The following DOCK6 variants were observed in gnomAD, a reference collection of about 807,000 sequenced individuals.
The protein encoded by DOCK6 is dedicator of cytokinesis protein 6.
Under a neutral mutation model 230.3 loss-of-function variants are expected in DOCK6, and 167 were observed. That is an observed-to-expected ratio of 0.73 (90% CI 0.64 to 0.82). The LOEUF (loss-of-function observed/expected upper bound fraction) is 0.82. Among genes scored for constraint, DOCK6 ranks in the 40% least tolerant of loss-of-function variants. The pLI is 0.00. For synonymous variants in DOCK6, 1,148 were observed against 1,185.0 expected, an observed-to-expected ratio of 0.97 and a Z score of 0.64; for missense variants, 2,598 against 2,825.8, an observed-to-expected ratio of 0.92 and a Z score of 1.83.
intron 14 of DOCK6, among the ~76,000 whole-genome samples, chr19:11,239,337 G>T (rs1304339283): frequency 6.6e-6 from 1 of 152,144 alleles, no homozygotes; most frequent in Non-Finnish European, 1.5e-5. Flanking sequence ...TCATCATTGC[G>T]ATGCCTATTC....
At chr19:11,209,135 G>A in intron 37 of DOCK6, 32 bp from the exon 38 acceptor site, 2 of 1,592,910 alleles carry the variant, frequency 1.3e-6, no homozygotes, top group Non-Finnish European at 8.5e-7. Flanking sequence ...ATGTGAGGAG[G>A]GGACTCACCT....
chr19:11,209,901 A>G (rs1232508641), intron 37 of DOCK6, among the ~76,000 whole-genome samples: 1 of 60,098 alleles, frequency 1.7e-5, no homozygotes, highest in Non-Finnish European at 3.1e-5. Context: ...TCACCTGTCC[A>G]CCCCCTCAAC....
intron 18 of DOCK6, chr19:11,237,100 G>A (rs1234816880): frequency 6.7e-6 from 4 of 596,790 alleles, no homozygotes; most frequent in Non-Finnish European, 1.2e-5. Flanking sequence ...GAGACACAGG[G>A]TGAATGAATA....
At position 11,242,226 on chromosome 19, in the gene DOCK6, G is replaced by GT; in HGVS notation, c.1481-20dup. The GT allele has an allele frequency of 6.9e-7, 1 of 1,439,538 alleles. No individual in the cohort carries two copies. 89.2% of individuals were successfully genotyped at this position (1,439,538 alleles called of 1,614,324 possible). On this transcript the variant is annotated intron_variant, in intron 13 of 47. Transcript: ENST00000294618. Reference sequence around the variant, plus strand: ...AGCTGGGCTGGGAAGGGAAGAACCGGTTTGCACCTGCCTGGGAGCCTCCTG... The same window carrying GT: ...AGCTGGGCTGGGAAGGGAAGAACCGGTTTTGCACCTGCCTGGGAGCCTCCTG...
chr19:11,218,166 G>A lies in DOCK6; in HGVS notation c.3551-775C>T, dbSNP rs534812679. Among the ~76,000 whole-genome samples the A allele has an allele frequency of 2.5e-4, 38 of 149,616 alleles. 1 individual carries two copies. The South Asian group carries it at 8.1e-3, about 32-fold the overall frequency. On this transcript the variant is annotated intron_variant, in intron 28 of 47. Transcript: ENST00000294618. Reference sequence around the variant, plus strand: ...CGCCTGGCCTATTTTATTTTTTTTTGGATACAGTCTTGCTTTGTCACATAA... The same window carrying A: ...CGCCTGGCCTATTTTATTTTTTTTTAGATACAGTCTTGCTTTGTCACATAA...
intron 7 of DOCK6, chr19:11,247,698 T>C: frequency 5.6e-6 from 1 of 178,376 alleles, no homozygotes; most frequent in South Asian, 1.2e-4. Context: ...AAACCCTGGA[T>C]CCCAGCAGCA....
chr19:11,236,067 A>T lies in DOCK6; in HGVS notation c.2392+279T>A. 2.0e-6 allele frequency: 1 copy of T among 502,304 alleles called. No homozygotes were observed. The highest frequency in any genetic ancestry group is 3.5e-6 in the Non-Finnish European group (1 of 286,792). 31.1% of individuals were successfully genotyped at this position (502,304 alleles called of 1,614,324 possible). A position where few individuals can be genotyped will look rare whatever the true frequency, so the allele number is the denominator to read the frequency against. ...AGCTAATTTTGTATTTTTAGTAGAG[A>T]AGGGGTTTCTCCATGTTGGTCAGGC... On this transcript the variant is annotated intron_variant, in intron 20 of 47. Transcript: ENST00000294618. This position sits in a 1 kb window ranked among gnomAD's most constrained non-coding sequence, Gnocchi z 5.2.
chr19:11,216,017 T>C, intron 30 of DOCK6, 90 bp from the exon 31 acceptor site: 2 of 1,534,882 alleles, frequency 1.3e-6, no homozygotes, highest in Non-Finnish European at 1.8e-6. Flanking sequence ...GTGCTCTTTC[T>C]CACCTCCGGG....
chr19:11,241,944 C>T lies in DOCK6; in HGVS notation c.1643+101G>A, dbSNP rs112103971. On this transcript the variant is annotated intron_variant, in intron 14 of 47. Transcript: ENST00000294618. ...ATTAAAGCAGAGTCGTGGCATCTCA[C>T]CCAGGGTGTCTGTGTGTGTCCTTGG... 1,544 of 1,434,076 alleles carry T rather than the reference C, an allele frequency of 1.1e-3. 18 individuals are homozygous for T. The African/African-American group carries it at 0.02, about 18-fold the overall frequency. 88.8% of individuals were successfully genotyped at this position (1,434,076 alleles called of 1,614,324 possible).
Position 11,233,315 on chromosome 19 carries a change from CGACCAGAGCCACG to C in DOCK6, c.2593_2605del (p.Arg865AlafsTer71), listed in dbSNP as rs1432905998. The C allele has an allele frequency of 1.9e-6, 3 of 1,613,658 alleles. No homozygotes were observed. In the African/African-American group the frequency reaches 4.0e-5, roughly 22 times the overall value. The stretch of plus-strand genomic sequence containing the variant: ...ACGCGCCAGGTAGAGGCTTGCGGGG[CGACCAGAGCCACG>C]GGCCAGTGTGGCAGCCTGCACTGTC... On this transcript the variant is annotated frameshift_variant, in exon 22 of 48. Transcript: ENST00000294618. LOFTEE classifies it high-confidence loss of function.
At chr19:11,253,948 G>T in intron 1 of DOCK6, 2 of 451,154 alleles carry the variant, frequency 4.4e-6, no homozygotes, top group Admixed American at 4.6e-5. Flanking sequence ...CACCAGTGGG[G>T]TCTGAAGCCA....
In DOCK6 at chr19:11,233,294, G is replaced by C. The variant is rs764914767; in HGVS notation, c.2627C>G (p.Ala876Gly). The change falls in exon 22 of 48, where the codon GCG becomes GGG. Residue 876 changes from alanine to glycine, a missense_variant. By Grantham distance (60) the Ala-to-Gly change is moderately conservative. Coordinates refer to ENST00000294618, the MANE Select transcript of DOCK6 (RefSeq NM_020812.4). ...GSGRPASLYL[A>G]RSKSISSSNP... is the part of the protein sequence containing the mutation. ...GCTGCTGCTGATGCTCTTGGAACGC[G>C]CCAGGTAGAGGCTTGCGGGGCGACC... 6.8e-6 allele frequency: 11 copies of C among 1,613,906 alleles called. No individual in the cohort carries two copies. Among genetic ancestry groups the C allele is most frequent in the Non-Finnish European group, 9.3e-6 (11 of 1,179,870 alleles).
At chr19:11,216,390 G>A (rs1327977167) in intron 30 of DOCK6, among the ~76,000 whole-genome samples, 1 of 149,236 alleles carries the variant, frequency 6.7e-6, no homozygotes, top group African/African-American at 2.5e-5. Flanking sequence ...ACCAGGCCCT[G>A]TTTTAAAAAA....
chr19:11,211,624 G>C (rs1208080717), intron 37 of DOCK6, among the ~76,000 whole-genome samples, 152 bp downstream of exon 37: 1 of 145,644 alleles, frequency 6.9e-6, no homozygotes, highest in East Asian at 2.0e-4. Flanking sequence ...CTGCTCAGCT[G>C]TCTGCTCACC....
chr19:11,210,507 C>T (rs2079361548), intron 37 of DOCK6, among the ~76,000 whole-genome samples: 2 of 143,982 alleles, frequency 1.4e-5, no homozygotes, highest in African/African-American at 2.6e-5. Context: ...CTCACCTGTC[C>T]ACCCCCTCAC....
Position 11,201,184 on chromosome 19 carries a change from G to T in DOCK6, c.5689-132C>A. 1 of 1,174,526 alleles carries T rather than the reference G, an allele frequency of 8.5e-7. No individual in the cohort carries two copies. Among genetic ancestry groups the T allele is most frequent in the Non-Finnish European group, 1.2e-6 (1 of 835,196 alleles). The allele number at this position is 1,174,526 out of a possible 1,614,324, so 72.8% of individuals were successfully genotyped here. A position where few individuals can be genotyped will look rare whatever the true frequency, so the allele number is the denominator to read the frequency against. ...ACCCAGGCAATGAACAGAATCTGGGGGCCTTCCTGGGTCTGACTCTGGGGG... is the reference window on the plus strand; with the variant it reads ...ACCCAGGCAATGAACAGAATCTGGGTGCCTTCCTGGGTCTGACTCTGGGGG... On this transcript the variant is annotated intron_variant, in intron 44 of 47. Coordinates refer to ENST00000294618, the MANE Select transcript of DOCK6 (RefSeq NM_020812.4). This position sits in a 1 kb window ranked among gnomAD's most constrained non-coding sequence, Gnocchi z 4.3.
chr19:11,212,865 CTTT>C (rs34049310), intron 35 of DOCK6, among the ~76,000 whole-genome samples: 17 of 104,444 alleles, frequency 1.6e-4, no homozygotes, highest in East Asian at 5.5e-4. Context: ...GTGCCTGGCC[CTTT>C]TTTTTTTTTT....
At chr19:11,229,712 G>A (rs1009769917) in intron 22 of DOCK6, among the ~76,000 whole-genome samples, 4 of 152,014 alleles carry the variant, frequency 2.6e-5, no homozygotes, top group African/African-American at 9.6e-5. Flanking sequence ...AGATCAAGGT[G>A]TGTGGGTATG....
chr19:11,207,699 G>A (rs116504889), intron 39 of DOCK6, among the ~76,000 whole-genome samples: 3,068 of 151,810 alleles, frequency 0.02, 107 homozygotes, highest in East Asian at 0.18. Context: ...AGTTTGAAGC[G>A]GGCAGATCAC....
Sources: gnomAD v4.1 joint callset for allele counts (sites outside exome capture counted in the v4.1 genomes callset) on GRCh38, gnomAD v4.1.1 for gene constraint, Gnocchi (gnomAD v3.1) non-coding constraint, MANE v1.5 for transcripts, NCBI Gene and HGNC (gene_info 2026-07-23, HGNC 2026-07-21) for gene names.